Variants in VPS13B observed in about 807,000 individuals in gnomAD.
VPS13B encodes vacuolar protein sorting 13 homolog B.
Under a neutral mutation model 426.4 loss-of-function variants are expected in VPS13B, and 285 were observed. The observed-to-expected ratio is 0.67, with a 90% CI of 0.61 to 0.74. The LOEUF is 0.74. Ranked by LOEUF, VPS13B falls within the 30% of genes least tolerant of loss-of-function variation. VPS13B has a pLI of 0.00. For synonymous variants in VPS13B, 1,676 were observed against 1,676.4 expected (o/e 1.00, Z 0.01); for missense variants, 4,537 against 4,782.6 (o/e 0.95, Z 1.51).
intron 19 of VPS13B, among the ~76,000 whole-genome samples, chr8:99,331,667 T>G (rs911328172): frequency 5.3e-5 from 8 of 151,812 alleles, no homozygotes. Flanking sequence ...TTTGTACAAA[T>G]CAATACAGTA....
At chr8:99,750,714 G>T (rs1305287794) in intron 39 of VPS13B, among the ~76,000 whole-genome samples, 1 of 152,100 alleles carries the variant, frequency 6.6e-6, no homozygotes, top group Non-Finnish European at 1.5e-5. Flanking sequence ...AGTTCTCTGT[G>T]CACAGATATG....
intron 54 of VPS13B, among the ~76,000 whole-genome samples, chr8:99,847,297 A>G (rs1246551061): frequency 2.0e-5 from 3 of 152,238 alleles, no homozygotes; most frequent in East Asian, 3.8e-4. Flanking sequence ...GAGATTTACA[A>G]TCTAATAATT....
chr8:99,505,795 C>T (rs950089551), intron 27 of VPS13B, among the ~76,000 whole-genome samples: 1 of 152,032 alleles, frequency 6.6e-6, no homozygotes, highest in African/African-American at 2.4e-5. Flanking sequence ...TTGGGTAAAA[C>T]ATAATATCTG....
intron 17 of VPS13B, among the ~76,000 whole-genome samples, chr8:99,231,266 CT>C (rs112920734): frequency 0.013 from 1,961 of 146,080 alleles, 13 homozygotes; most frequent in African/African-American, 0.026. Flanking sequence ...TAACCTAGTA[CT>C]TTTTTTTTTT....
At chr8:99,289,803 G>A (rs1319772068) in intron 19 of VPS13B, among the ~76,000 whole-genome samples, 2 of 152,058 alleles carry the variant, frequency 1.3e-5, no homozygotes, top group African/African-American at 4.8e-5. Flanking sequence ...GTTTGATATT[G>A]TTGAATCATT....
At chr8:99,765,596 C>T (rs537791911) in intron 39 of VPS13B, among the ~76,000 whole-genome samples, 27 of 152,320 alleles carry the variant, frequency 1.8e-4, no homozygotes, top group African/African-American at 6.0e-4. Flanking sequence ...TCATTGGTTC[C>T]CCTTGTTCCC....
intron 35 of VPS13B, among the ~76,000 whole-genome samples, chr8:99,676,905 G>T (rs987787733): frequency 3.9e-5 from 6 of 152,050 alleles, no homozygotes; most frequent in Non-Finnish European, 8.8e-5. Context: ...TGCCGTGGGT[G>T]GATCACCTGA....
chr8:99,131,563 G>A (rs1174725348), intron 8 of VPS13B, among the ~76,000 whole-genome samples: 1 of 152,056 alleles, frequency 6.6e-6, no homozygotes, highest in Non-Finnish European at 1.5e-5. Flanking sequence ...TTTGCCTAAT[G>A]CATAAAAAAT....
chr8:99,628,923 C>T (rs1828727151), intron 33 of VPS13B, among the ~76,000 whole-genome samples: 1 of 151,956 alleles, frequency 6.6e-6, no homozygotes. Flanking sequence ...CATCTCCATG[C>T]CAGCTAATTT....
At chr8:99,251,204 T>G (rs976644074) in intron 17 of VPS13B, among the ~76,000 whole-genome samples, 4 of 152,206 alleles carry the variant, frequency 2.6e-5, no homozygotes, top group African/African-American at 9.7e-5. Flanking sequence ...AGCATTAGGT[T>G]GAATAACAGC....
In VPS13B at chr8:99,773,617, A is replaced by G. The variant is rs147935200; in HGVS notation, c.7248-3158A>G. The stretch of plus-strand genomic sequence containing the variant: ...CCTTCTCACTGTCTAGGATATTTCC[A>G]CTATCCTAAAAACAACACTTAAATA... On this transcript the variant is annotated intron_variant, in intron 40 of 61. Coordinates refer to ENST00000357162, the MANE Select transcript of VPS13B (RefSeq NM_152564.5). Among the ~76,000 whole-genome samples, 526 of 152,326 alleles carry G rather than the reference A, an allele frequency of 3.5e-3. 5 individuals are homozygous for G. Among genetic ancestry groups the G allele is most frequent in the African/African-American group, 0.012 (503 of 41,576 alleles).
chr8:99,439,237 ATTAT>A (rs1157590657), intron 22 of VPS13B, among the ~76,000 whole-genome samples: 4 of 152,168 alleles, frequency 2.6e-5, no homozygotes, highest in Non-Finnish European at 5.9e-5. Context: ...TTGTTGAACA[ATTAT>A]TTATTGAGTA....
intron 8 of VPS13B, among the ~76,000 whole-genome samples, chr8:99,125,883 G>A (rs1848167507): frequency 1.3e-5 from 2 of 151,920 alleles, no homozygotes; most frequent in Admixed American, 1.3e-4. Context: ...GTTATAAAGA[G>A]CACAGAAATG....
chr8:99,786,067 C>G (rs1326811790), intron 43 of VPS13B, among the ~76,000 whole-genome samples: 3 of 152,136 alleles, frequency 2.0e-5, no homozygotes, highest in African/African-American at 7.2e-5. Flanking sequence ...TCTCTGGACA[C>G]TGGAGCCAGG....
chr8:99,585,049 G>A (rs546361362), intron 33 of VPS13B, among the ~76,000 whole-genome samples: 4 of 152,308 alleles, frequency 2.6e-5, no homozygotes, highest in African/African-American at 9.6e-5. Flanking sequence ...GGTTGTTAGA[G>A]AAGAGAAGCA....
At chr8:99,266,125 A>G (rs1317899442) in intron 17 of VPS13B, among the ~76,000 whole-genome samples, 1 of 152,172 alleles carries the variant, frequency 6.6e-6, no homozygotes, top group East Asian at 1.9e-4. Context: ...TCATAAGCTG[A>G]CTACTGAACA....
intron 17 of VPS13B, among the ~76,000 whole-genome samples, chr8:99,231,278 T>C (rs79272176): frequency 6.6e-6 from 1 of 152,006 alleles, no homozygotes. Flanking sequence ...TTTTTTTTTT[T>C]CTTGTTAGCT....
At chr8:99,658,866 C>T (rs796167752) in intron 34 of VPS13B, among the ~76,000 whole-genome samples, 8 of 152,252 alleles carry the variant, frequency 5.3e-5, no homozygotes, top group African/African-American at 1.7e-4. Flanking sequence ...CTCAGGCTGG[C>T]GTGCAGTGGC....
rs746500253 is a variant in VPS13B, at chr8:99,438,034, C to CTTT, written c.3211-4350_3211-4348dup. ...ACATGTACTAGCATTTTCTTTTCCT[C>CTTT]TTTTTTTTTTTTTTTTTTTGTACTC... On this transcript the variant is annotated intron_variant, in intron 22 of 61. Coordinates refer to ENST00000357162, the MANE Select transcript of VPS13B (RefSeq NM_152564.5). 1.0e-3 allele frequency among the ~76,000 whole-genome samples: 120 copies of CTTT among 120,590 alleles called. 1 individual carries two copies. The highest frequency in any genetic ancestry group is 5.7e-3 in the East Asian group (23 of 4,006). The allele number at this position is 120,590 out of a possible 152,430, so 79.1% of individuals were successfully genotyped here.
Sources: allele counts gnomAD v4.1 joint callset (sites outside exome capture counted in the v4.1 genomes callset), GRCh38; gene constraint gnomAD v4.1.1; transcripts MANE v1.5; gene names NCBI Gene and HGNC (gene_info 2026-07-23, HGNC 2026-07-21).